Variants in CNTN5 observed in about 807,000 individuals in gnomAD.
CNTN5 encodes the protein contactin 5.
Under a neutral mutation model 129.1 loss-of-function variants are expected in CNTN5, and 77 were observed. The observed-to-expected ratio is 0.60, with a 90% CI of 0.50 to 0.72. CNTN5 has a LOEUF of 0.72. Ranked by LOEUF, CNTN5 falls within the 30% of genes least tolerant of loss-of-function variation. The pLI is 0.00. For synonymous variants in CNTN5, 509 were observed against 465.6 expected, an observed-to-expected ratio of 1.09 and a Z score of -1.20; for missense variants, 1,478 against 1,328.8, an observed-to-expected ratio of 1.11 and a Z score of -1.75.
At chr11:99,283,823 A>C (rs141431452) in intron 1 of CNTN5, among the ~76,000 whole-genome samples, 1 of 152,144 alleles carries the variant, frequency 6.6e-6, no homozygotes, top group Non-Finnish European at 1.5e-5. Flanking sequence ...GGGAATAGGA[A>C]AGGATATTAA....
At chr11:100,225,440 A>C (rs985454704) in intron 16 of CNTN5, 3 of 152,146 alleles carry the variant, frequency 2.0e-5, no homozygotes, top group African/African-American at 7.2e-5. Context: ...AGTATTCCAC[A>C]GTATGGGAAA....
At chr11:99,933,812 A>T (rs1950243618) in intron 7 of CNTN5, among the ~76,000 whole-genome samples, 1 of 152,206 alleles carries the variant, frequency 6.6e-6, no homozygotes, top group Admixed American at 6.5e-5. Flanking sequence ...TTATCAGTTG[A>T]TGTACATTTC....
rs138667399 is a variant in CNTN5, at chr11:99,406,399, GTCTCTC to G, written c.-71+80929_-71+80934del. 6.0e-5 allele frequency among the ~76,000 whole-genome samples: 9 copies of G among 150,148 alleles called. No homozygotes were observed. The East Asian group carries it at 1.8e-3, about 30-fold the overall frequency. On this transcript the variant is annotated intron_variant, in intron 2 of 24. Transcript: ENST00000524871. ...TTTCCCATACTTTGTCCCAAACAGA[GTCTCTC>G]TCTCTCTCTCTCTGTTCTGAGCCAT...
At chr11:99,613,586 GAA>G (rs1478383198) in intron 3 of CNTN5, among the ~76,000 whole-genome samples, 1 of 152,154 alleles carries the variant, frequency 6.6e-6, no homozygotes, top group Non-Finnish European at 1.5e-5. Flanking sequence ...GCAGGGATAA[GAA>G]GAGAGAGAAA....
intron 1 of CNTN5, among the ~76,000 whole-genome samples, chr11:99,069,567 C>T (rs1009679637): frequency 1.3e-5 from 2 of 152,100 alleles, no homozygotes; most frequent in East Asian, 1.9e-4. Flanking sequence ...GTCAGTCCTT[C>T]CCATTGAAAT....
intron 8 of CNTN5, among the ~76,000 whole-genome samples, chr11:99,962,463 C>G (rs1950975862): frequency 6.6e-6 from 1 of 152,076 alleles, no homozygotes. Flanking sequence ...CAGCTTCATT[C>G]ATGTCCCTAC....
chr11:99,332,351 A>C (rs1321085970), intron 2 of CNTN5, among the ~76,000 whole-genome samples: 1 of 152,074 alleles, frequency 6.6e-6, no homozygotes, highest in African/African-American at 2.4e-5. Context: ...AATAACTGAT[A>C]GTATCAATAT....
At chr11:99,096,550 A>G (rs1339505891) in intron 1 of CNTN5, among the ~76,000 whole-genome samples, 1 of 151,814 alleles carries the variant, frequency 6.6e-6, no homozygotes, top group Non-Finnish European at 1.5e-5. Context: ...ATTTTATTTG[A>G]TCCCCAGGGT....
chr11:99,582,618 C>T (rs187724451), intron 3 of CNTN5, among the ~76,000 whole-genome samples: 255 of 152,304 alleles, frequency 1.7e-3, no homozygotes, highest in African/African-American at 4.9e-3. Context: ...TTGATCTCAT[C>T]GGTTACTGAG....
chr11:99,360,742 G>A (rs923069546), intron 2 of CNTN5, among the ~76,000 whole-genome samples: 2 of 152,164 alleles, frequency 1.3e-5, no homozygotes, highest in African/African-American at 2.4e-5. Context: ...TTCCACACAA[G>A]CATACTAATC....
chr11:99,121,440 G>A (rs1168150574), intron 1 of CNTN5, among the ~76,000 whole-genome samples: 1 of 152,042 alleles, frequency 6.6e-6, no homozygotes, highest in Non-Finnish European at 1.5e-5. Flanking sequence ...ACCGGTTTTA[G>A]CTATTCTTTC....
chr11:100,216,184 G>A (rs11223267), intron 15 of CNTN5, among the ~76,000 whole-genome samples: 7,530 of 152,086 alleles, frequency 0.05, 384 homozygotes, highest in East Asian at 0.3. Flanking sequence ...CTCCGTGGCT[G>A]GGCTCTGCTT....
chr11:99,395,843 G>A (rs7481351), intron 2 of CNTN5, among the ~76,000 whole-genome samples: 151,912 of 152,074 alleles, frequency 1, 75,876 homozygotes, highest in Middle Eastern at 1. Context: ...GTCAAAGAAC[G>A]TATGGTCTTA....
At chr11:99,526,115 A>T (rs960073563) in intron 2 of CNTN5, among the ~76,000 whole-genome samples, 1 of 152,262 alleles carries the variant, frequency 6.6e-6, no homozygotes. Context: ...CTGTAAGGCT[A>T]TATTAAAACT....
At chr11:99,471,957 G>T (rs1049565400) in intron 2 of CNTN5, among the ~76,000 whole-genome samples, 1 of 152,014 alleles carries the variant, frequency 6.6e-6, no homozygotes, top group Non-Finnish European at 1.5e-5. Flanking sequence ...GTTTCTATAT[G>T]TCACAGGGAC....
At chr11:99,922,095 A>C (rs1480248319) in intron 7 of CNTN5, among the ~76,000 whole-genome samples, 1 of 152,180 alleles carries the variant, frequency 6.6e-6, no homozygotes, top group Admixed American at 6.6e-5. Context: ...AAAGAGGTTT[A>C]ATGGACTCAC....
chr11:99,677,054 T>A (rs1039130155), intron 3 of CNTN5, among the ~76,000 whole-genome samples: 3 of 152,138 alleles, frequency 2.0e-5, no homozygotes, highest in East Asian at 1.9e-4. Flanking sequence ...TAACTATTTT[T>A]AAAATAAAAA....
chr11:99,574,256 T>G (rs1314507651), intron 3 of CNTN5, among the ~76,000 whole-genome samples: 1 of 152,210 alleles, frequency 6.6e-6, no homozygotes, highest in Non-Finnish European at 1.5e-5. Context: ...TACAGCTGCA[T>G]AGTATTCCAT....
intron 13 of CNTN5, among the ~76,000 whole-genome samples, chr11:100,158,727 A>G (rs568527834): frequency 1.3e-4 from 20 of 151,884 alleles, no homozygotes; most frequent in Non-Finnish European, 2.4e-4. Context: ...GGGCAACCAT[A>G]CATGCTGGAA....
Sources: gnomAD v4.1 joint callset for allele counts (sites outside exome capture counted in the v4.1 genomes callset) on GRCh38, gnomAD v4.1.1 for gene constraint, MANE v1.5 for transcripts, NCBI Gene and HGNC (gene_info 2026-07-23, HGNC 2026-07-21) for gene names.